The following RASAL1 variants were observed in gnomAD, a reference collection of about 807,000 sequenced individuals.
RASAL1 encodes RAS protein activator like 1.
A neutral mutation model predicts 96.6 loss-of-function variants in RASAL1; 72 were observed. The ratio of observed to expected loss-of-function variants is 0.75; its 90% CI spans 0.62 to 0.91. The LOEUF (loss-of-function observed/expected upper bound fraction) is 0.91. Among genes scored for constraint, RASAL1 ranks in the 40% least tolerant of loss-of-function variants. The pLI, the probability that RASAL1 is intolerant of heterozygous loss-of-function variation, is 0.00. For synonymous variants in RASAL1, 405 were observed against 430.4 expected (o/e 0.94, Z 0.73); for missense variants, 1,016 against 1,072.5 (o/e 0.95, Z 0.74).
At chr12:113,104,922 A>C (rs1413383624) in intron 16 of RASAL1, among the ~76,000 whole-genome samples, 1 of 152,238 alleles carries the variant, frequency 6.6e-6, no homozygotes, top group Non-Finnish European at 1.5e-5. Context: ...TAATTATCAC[A>C]ACAAACTTCT....
rs371716541 is a variant in RASAL1, at chr12:113,100,606, T to G, written c.2278+22A>C. Reference sequence around the variant, plus strand: ...GAGCCACTGCACCCAGCCTTTACCTTCTGAGGTACAGGAGCCCTTACCTGT... The same window carrying G: ...GAGCCACTGCACCCAGCCTTTACCTGCTGAGGTACAGGAGCCCTTACCTGT... On this transcript the variant is annotated intron_variant, in intron 20 of 20. Transcript: ENST00000548055. The G allele has an allele frequency of 2.4e-5, 38 of 1,596,044 alleles. No homozygotes were observed. In the African/African-American group the frequency reaches 5.0e-4, roughly 21 times the overall value.
intron 2 of RASAL1, 139 bp from the exon 3 acceptor site, chr12:113,128,317 A>T (rs1043561903): frequency 2.1e-5 from 13 of 612,800 alleles, no homozygotes; most frequent in African/African-American, 2.1e-4. Context: ...GAGACCCCCC[A>T]CATGAACCCA....
intron 18 of RASAL1, chr12:113,103,054 G>C (rs1386639220): frequency 9.1e-6 from 3 of 329,086 alleles, no homozygotes; most frequent in African/African-American, 2.2e-5. Flanking sequence ...GGCTGGGTCA[G>C]AGGCATCCAC....
intron 2 of RASAL1, 64 bp from the exon 3 acceptor site, chr12:113,128,242 C>CCACA: frequency 1.4e-6 from 1 of 721,462 alleles, no homozygotes; most frequent in Non-Finnish European, 2.4e-6. Flanking sequence ...ACCTGGAGAC[C>CCACA]CAGACACACA....
At chr12:113,123,405 G>C (rs1951365105) in intron 4 of RASAL1, among the ~76,000 whole-genome samples, 1 of 152,158 alleles carries the variant, frequency 6.6e-6, no homozygotes, top group African/African-American at 2.4e-5. Context: ...GTTATTCTGG[G>C]ACCCCTTGAG....
At chr12:113,128,011 G>T in intron 3 of RASAL1, 54 bp downstream of exon 3, 1 of 1,585,260 alleles carries the variant, frequency 6.3e-7, no homozygotes, top group Non-Finnish European at 8.7e-7. Flanking sequence ...TCTCCCCTCA[G>T]GTGCCCAGGC....
rs560627390 is a variant in RASAL1, at chr12:113,099,839, T to C, written c.*90A>G. 2 of 1,507,894 alleles carry C rather than the reference T, an allele frequency of 1.3e-6. No homozygotes were observed. The highest frequency in any genetic ancestry group is 1.8e-6 in the Non-Finnish European group (2 of 1,119,754). 93.4% of individuals were successfully genotyped at this position (1,507,894 alleles called of 1,614,324 possible). A position where few individuals can be genotyped will look rare whatever the true frequency, so the allele number is the denominator to read the frequency against. ...CCTCCAAACCACAGAATCAAAGAGG[T>C]CCAAGGAGACAGGAGACTCCCGGGG... On this transcript the variant is annotated 3_prime_UTR_variant, in exon 21 of 21. Transcript: ENST00000548055.
chr12:113,128,601 C>A (rs1951583363), intron 2 of RASAL1, among the ~76,000 whole-genome samples: 1 of 151,862 alleles, frequency 6.6e-6, no homozygotes, highest in African/African-American at 2.4e-5. Context: ...ACACAGAGAC[C>A]AACAGACATG....
chr12:113,121,370 G>T, intron 5 of RASAL1, 139 bp downstream of exon 5: 1 of 1,384,100 alleles, frequency 7.2e-7, no homozygotes, highest in Non-Finnish European at 9.8e-7. Context: ...TGGACTGTTT[G>T]TCCACACAGG....
intron 20 of RASAL1, 141 bp from the exon 21 acceptor site, chr12:113,100,209 C>T: frequency 9.9e-7 from 1 of 1,005,118 alleles, no homozygotes; most frequent in Non-Finnish European, 1.4e-6. Context: ...ACACACAGCC[C>T]TGTGGCCTGA....
intron 13 of RASAL1, among the ~76,000 whole-genome samples, chr12:113,108,495 C>T (rs1950729596): frequency 6.6e-6 from 1 of 152,190 alleles, no homozygotes; most frequent in Admixed American, 6.5e-5. Flanking sequence ...AAGAGCACAG[C>T]CCTAAGAGGG....
At chr12:113,133,449 C>A (rs752591297) in intron 1 of RASAL1, among the ~76,000 whole-genome samples, 3 of 152,168 alleles carry the variant, frequency 2.0e-5, no homozygotes, top group African/African-American at 7.2e-5. Flanking sequence ...AAATAAGAGA[C>A]GCCAATAGAA....
rs1951659626 is a variant in RASAL1, at chr12:113,130,443, C to T, written c.122+442G>A. 6.6e-6 allele frequency among the ~76,000 whole-genome samples: 1 copy of T among 152,190 alleles called. No individual in the cohort carries two copies. The highest frequency in any genetic ancestry group is 1.5e-5 in the Non-Finnish European group (1 of 68,016). On this transcript the variant is annotated intron_variant, in intron 2 of 20. Transcript: ENST00000548055. This position sits in a 1 kb window ranked among gnomAD's most constrained non-coding sequence, Gnocchi z 5.1. ...GGACATACACACGTGGTCACAGGCACTCACACTAGCCCCGCAACATCCCCC... is the reference window on the plus strand; with the variant it reads ...GGACATACACACGTGGTCACAGGCATTCACACTAGCCCCGCAACATCCCCC...
chr12:113,136,532 C>A (rs927810802), upstream of RASAL1, among the ~76,000 whole-genome samples: 1 of 152,244 alleles, frequency 6.6e-6, no homozygotes, highest in Non-Finnish European at 1.5e-5. Context: ...AGAGGTCTCA[C>A]AGTCAGTAAC....
chr12:113,104,001 G>A lies in RASAL1; in HGVS notation c.2049C>T (p.His683=), dbSNP rs756441150. The A allele has an allele frequency of 1.3e-6, 2 of 1,572,866 alleles. No homozygotes were observed. Among genetic ancestry groups the A allele is most frequent in the Non-Finnish European group, 1.7e-6 (2 of 1,157,810 alleles). ...APNPNKLAAC[H]PGAFRSARWT... Reference sequence around the variant, plus strand: ...AGCGCGCGCTGCGGAAGGCACCGGGGTGGCAGGCGGCCAGCTTGTTCGGGT... The same window carrying A: ...AGCGCGCGCTGCGGAAGGCACCGGGATGGCAGGCGGCCAGCTTGTTCGGGT... The change falls in exon 18 of 21, where the codon CAC becomes CAT. Residue 683 remains histidine, a synonymous_variant. Coordinates refer to ENST00000548055, the MANE Select transcript of RASAL1 (RefSeq NM_001301202.2).
rs117312476 is a variant in RASAL1 at position 113,130,450 on chromosome 12, T to G, written c.122+435A>C. On this transcript the variant is annotated intron_variant, in intron 2 of 20. Transcript: ENST00000548055. This position sits in a 1 kb window ranked among gnomAD's most constrained non-coding sequence, Gnocchi z 5.1. Reference sequence around the variant, plus strand: ...CACACGTGGTCACAGGCACTCACACTAGCCCCGCAACATCCCCCACCCCCT... The same window carrying G: ...CACACGTGGTCACAGGCACTCACACGAGCCCCGCAACATCCCCCACCCCCT... Among the ~76,000 whole-genome samples, 7,619 of 152,166 alleles carry G rather than the reference T, an allele frequency of 0.05. 253 individuals are homozygous for G. Among genetic ancestry groups the G allele is most frequent in the Middle Eastern group, 0.082 (24 of 294 alleles).
At chr12:113,126,299 T>A (rs181561492) in intron 4 of RASAL1, among the ~76,000 whole-genome samples, 29 of 151,880 alleles carry the variant, frequency 1.9e-4, no homozygotes, top group Non-Finnish European at 3.5e-4. Context: ...ATAAATAAAT[T>A]AATTAATTAA....
At chr12:113,116,430 G>T (rs537855766) in intron 8 of RASAL1, among the ~76,000 whole-genome samples, 2 of 152,192 alleles carry the variant, frequency 1.3e-5, no homozygotes, top group Non-Finnish European at 2.9e-5. Flanking sequence ...GCATGGGCAG[G>T]TGTGGAGAGC....
Position 113,129,660 on chromosome 12 carries a change from C to T in RASAL1, c.122+1225G>A, listed in dbSNP as rs1175180008. Reference sequence around the variant, plus strand: ...AGTTTGGTTCTCATACCTGTTGCTCCCTTCCTCCCTCCTTTCACCACACTG... The same window carrying T: ...AGTTTGGTTCTCATACCTGTTGCTCTCTTCCTCCCTCCTTTCACCACACTG... On this transcript the variant is annotated intron_variant, in intron 2 of 20. Coordinates refer to ENST00000548055, the MANE Select transcript of RASAL1 (RefSeq NM_001301202.2). This position sits in a 1 kb window ranked among gnomAD's most constrained non-coding sequence, Gnocchi z 5.0. Among the ~76,000 whole-genome samples the T allele has an allele frequency of 6.6e-6, 1 of 152,180 alleles. No homozygotes were observed. Among genetic ancestry groups the T allele is most frequent in the Non-Finnish European group, 1.5e-5 (1 of 68,028 alleles).
Sources: gnomAD v4.1 joint callset for allele counts (sites outside exome capture counted in the v4.1 genomes callset) on GRCh38, gnomAD v4.1.1 for gene constraint, Gnocchi (gnomAD v3.1) non-coding constraint, MANE v1.5 for transcripts, NCBI Gene and HGNC (gene_info 2026-07-23, HGNC 2026-07-21) for gene names.